The following TRPC6 variants were observed in gnomAD, a reference collection of about 807,000 sequenced individuals.
TRPC6 encodes the protein short transient receptor potential channel 6.
TRPC6 carries 55 observed loss-of-function variants against 90.7 expected under a neutral mutation model. The observed-to-expected ratio is 0.61, with a 90% CI of 0.49 to 0.76. The LOEUF (loss-of-function observed/expected upper bound fraction) is 0.76. Ranked by LOEUF, TRPC6 falls within the 30% of genes least tolerant of loss-of-function variation. The probability of loss-of-function intolerance (pLI) is 0.00; values close to 1 mark genes in which losing one functional copy is unlikely to be tolerated. For synonymous variants in TRPC6, 393 were observed against 393.0 expected, an observed-to-expected ratio of 1.00 and a Z score of 0.00; for missense variants, 989 against 1,122.7, an observed-to-expected ratio of 0.88 and a Z score of 1.70.
chr11:101,548,215 C>T (rs1170495041), intron 1 of TRPC6, among the ~76,000 whole-genome samples: 1 of 145,094 alleles, frequency 6.9e-6, no homozygotes, highest in Non-Finnish European at 1.5e-5. Context: ...AATTTATCAT[C>T]TCATTTAATC....
At chr11:101,499,675 A>T (rs1434491931) in intron 2 of TRPC6, among the ~76,000 whole-genome samples, 1 of 137,508 alleles carries the variant, frequency 7.3e-6, no homozygotes, top group Non-Finnish European at 1.5e-5. Flanking sequence ...ATGTGTATAT[A>T]TATATACACA....
chr11:101,499,933 A>ATATG (rs1459234759), intron 2 of TRPC6, among the ~76,000 whole-genome samples: 1 of 98,858 alleles, frequency 1.0e-5, no homozygotes, highest in African/African-American at 4.1e-5. Flanking sequence ...ATGTGTATAT[A>ATATG]TATACACAGT....
At chr11:101,564,116 T>G (rs568604091) in intron 1 of TRPC6, among the ~76,000 whole-genome samples, 1 of 152,326 alleles carries the variant, frequency 6.6e-6, no homozygotes, top group African/African-American at 2.4e-5. Flanking sequence ...TTTTATTATC[T>G]GTGAAGATGG....
rs1565238828 is a variant in TRPC6, at chr11:101,548,478, CTCTCTCTCTCTCTCTG to C, written c.170+34840_170+34855del. Among the ~76,000 whole-genome samples the C allele has an allele frequency of 1.7e-3, 80 of 45,854 alleles. 1 individual carries two copies. The highest frequency in any genetic ancestry group is 8.3e-3 in the East Asian group (1 of 120). The allele number at this position is 45,854 out of a possible 152,430, so 30.1% of individuals were successfully genotyped here. A position where few individuals can be genotyped will look rare whatever the true frequency, so the allele number is the denominator to read the frequency against. On this transcript the variant is annotated intron_variant, in intron 1 of 12. Coordinates refer to ENST00000344327, the MANE Select transcript of TRPC6 (RefSeq NM_004621.6). Reference sequence around the variant, plus strand: ...TACTGATATATATATATATATATATCTCTCTCTCTCTCTCTGTCTCTCACAGATGAGGAAAGTGAGG... The same window carrying C: ...TACTGATATATATATATATATATATCTCTCTCACAGATGAGGAAAGTGAGG...
chr11:101,494,779 C>G (rs2136714405), intron 2 of TRPC6, among the ~76,000 whole-genome samples: 1 of 152,108 alleles, frequency 6.6e-6, no homozygotes, highest in East Asian at 1.9e-4. Context: ...AAATTTTTGT[C>G]CAATTCATCA....
intron 2 of TRPC6, among the ~76,000 whole-genome samples, chr11:101,494,662 G>C (rs1238298939): frequency 1.3e-5 from 2 of 152,156 alleles, no homozygotes; most frequent in Non-Finnish European, 2.9e-5. Context: ...TATTTGAAAA[G>C]AAAGTATGAT....
At chr11:101,573,371 G>T (rs561078717) in intron 1 of TRPC6, among the ~76,000 whole-genome samples, 1 of 152,234 alleles carries the variant, frequency 6.6e-6, no homozygotes, top group Non-Finnish European at 1.5e-5. Flanking sequence ...CCCAAATCCT[G>T]GCTGAGATAC....
intron 1 of TRPC6, among the ~76,000 whole-genome samples, chr11:101,536,736 C>T (rs1029479376): frequency 1.3e-5 from 2 of 152,024 alleles, no homozygotes; most frequent in Admixed American, 6.6e-5. Flanking sequence ...TAGTCAGGGG[C>T]GAGAGCATTC....
intron 10 of TRPC6, among the ~76,000 whole-genome samples, chr11:101,468,132 T>C (rs911875209): frequency 2.0e-5 from 3 of 152,186 alleles, no homozygotes; most frequent in African/African-American, 4.8e-5. Flanking sequence ...TGCGGCCCCA[T>C]TGCTGTGGCA....
chr11:101,555,441 C>T (rs1861540704), intron 1 of TRPC6, among the ~76,000 whole-genome samples: 1 of 152,138 alleles, frequency 6.6e-6, no homozygotes, highest in African/African-American at 2.4e-5. Flanking sequence ...TTGCTCATGA[C>T]CTGAGCTTCG....
chr11:101,513,531 A>G (rs1482002770), intron 1 of TRPC6, among the ~76,000 whole-genome samples: 1 of 152,174 alleles, frequency 6.6e-6, no homozygotes, highest in Non-Finnish European at 1.5e-5. Context: ...AAGATTTTAA[A>G]CTACTAGAGA....
intron 2 of TRPC6, among the ~76,000 whole-genome samples, chr11:101,492,018 T>G (rs1859836599): frequency 6.6e-6 from 1 of 151,720 alleles, no homozygotes; most frequent in African/African-American, 2.4e-5. Flanking sequence ...TTTTTGTATT[T>G]TTAGTAGAGA....
Position 101,490,160 on chromosome 11 carries a change from A to T in TRPC6, c.1129-1059T>A, listed in dbSNP as rs149737460. 4.5e-3 allele frequency among the ~76,000 whole-genome samples: 682 copies of T among 152,358 alleles called. 3 individuals are homozygous for T. Among genetic ancestry groups the T allele is most frequent in the African/African-American group, 0.016 (649 of 41,586 alleles). On this transcript the variant is annotated intron_variant, in intron 3 of 12. Transcript: ENST00000344327. ...ATATGTTTACTGTATAAAAAATAAA[A>T]ATCTAATAACAAAAATCTGAAAATT...
chr11:101,469,664 T>C (rs1308066462), intron 9 of TRPC6, among the ~76,000 whole-genome samples, 163 bp from the exon 10 acceptor site: 1 of 152,188 alleles, frequency 6.6e-6, no homozygotes, highest in Non-Finnish European at 1.5e-5. Context: ...GACATTTCCT[T>C]TGGACTCTGA....
intron 7 of TRPC6, 26 bp from the exon 8 acceptor site, chr11:101,472,358 G>T (rs1238283009): frequency 3.1e-6 from 5 of 1,597,220 alleles, no homozygotes; most frequent in Non-Finnish European, 3.4e-6. Context: ...CAGAAGAAAA[G>T]AAATAAGAAA....
chr11:101,453,553 C>G (rs553584080), intron 12 of TRPC6, 97 bp downstream of exon 12: 110 of 1,174,494 alleles, frequency 9.4e-5, no homozygotes, highest in African/African-American at 6.9e-4. Flanking sequence ...GAAGTTCACT[C>G]TCCCTGTACG....
intron 6 of TRPC6, among the ~76,000 whole-genome samples, chr11:101,475,840 GCA>G (rs536048429): frequency 7.1e-6 from 1 of 140,790 alleles, no homozygotes; most frequent in Non-Finnish European, 1.5e-5. Context: ...CTATTCCATT[GCA>G]CATATATATA....
intron 4 of TRPC6, among the ~76,000 whole-genome samples, chr11:101,486,847 A>C (rs1284393392): frequency 6.6e-6 from 1 of 152,170 alleles, no homozygotes; most frequent in East Asian, 1.9e-4. Context: ...TGGCCTGTAA[A>C]GCATATTTAT....
rs374371151 is a variant in TRPC6 at position 101,457,755 on chromosome 11, GA to G, written c.2485-2655del. Reference sequence around the variant, plus strand: ...TTGGGATCCTCAGATACAGAATAGGGAAAATAATATTACCTACCTTCCAGAG... The same window carrying G: ...TTGGGATCCTCAGATACAGAATAGGGAAATAATATTACCTACCTTCCAGAG... On this transcript the variant is annotated intron_variant, in intron 10 of 12. Coordinates refer to ENST00000344327, the MANE Select transcript of TRPC6 (RefSeq NM_004621.6). Among the ~76,000 whole-genome samples the G allele has an allele frequency of 4.3e-3, 660 of 152,198 alleles. 5 individuals carry two copies. Among genetic ancestry groups the G allele is most frequent in the African/African-American group, 0.015 (634 of 41,516 alleles).
Sources: gnomAD v4.1 joint callset for allele counts (sites outside exome capture counted in the v4.1 genomes callset) on GRCh38, gnomAD v4.1.1 for gene constraint, MANE v1.5 for transcripts, NCBI Gene and HGNC (gene_info 2026-07-23, HGNC 2026-07-21) for gene names.